The following CHCT1 variants were observed in gnomAD, a reference collection of about 807,000 sequenced individuals.
CHCT1 encodes CHD1 helical C-terminal domain containing protein 1.
At chr17:60,431,394 G>A in the CHCT1 span, 2 of 638,180 alleles carry the variant, frequency 3.1e-6, no homozygotes, top group Non-Finnish European at 5.5e-6. Flanking sequence ...AAATGAGGTG[G>A]GAAATAAACA....
chr17:60,425,973 G>T, the CHCT1 span: 4 of 1,312,086 alleles, frequency 3.0e-6, no homozygotes, highest in Non-Finnish European at 4.3e-6. Flanking sequence ...CAGACCCACA[G>T]CGCATTGCCC....
chr17:60,429,480 G>A, the CHCT1 span: 13 of 1,614,244 alleles, frequency 8.1e-6, no homozygotes, highest in East Asian at 1.8e-4. Flanking sequence ...ATGAAGGAGC[G>A]GCTGTCCAAC....
At chr17:60,422,457 G>A in the CHCT1 span, 1 of 1,519,384 alleles carries the variant, frequency 6.6e-7, no homozygotes, top group Middle Eastern at 2.4e-4. Context: ...TGTGTTGGCG[G>A]TTGCCGTGGC....
the CHCT1 span, among the ~76,000 whole-genome samples, chr17:60,430,898 GA>G: frequency 2.6e-5 from 4 of 152,328 alleles, no homozygotes; most frequent in East Asian, 7.7e-4. Flanking sequence ...AGAGGTCGAG[GA>G]AACTCGGGTC....
At chr17:60,422,359 C>CT in the CHCT1 span, 1 of 1,096,720 alleles carries the variant, frequency 9.1e-7, no homozygotes, top group East Asian at 3.3e-5. Flanking sequence ...CATCTTGCTC[C>CT]GTTCCCTAGT....
At chr17:60,423,788 C>A in the CHCT1 span, among the ~76,000 whole-genome samples, 1 of 152,202 alleles carries the variant, frequency 6.6e-6, no homozygotes, top group Non-Finnish European at 1.5e-5. Context: ...TTCTTTGCCC[C>A]ACTTTTGTGG....
At chr17:60,422,407 T>G in the CHCT1 span, 3 of 1,437,546 alleles carry the variant, frequency 2.1e-6, no homozygotes, top group Non-Finnish European at 2.8e-6. Flanking sequence ...CAGCCACCCC[T>G]AAGAATGAGG....
the CHCT1 span, among the ~76,000 whole-genome samples, chr17:60,423,539 C>T: frequency 6.6e-6 from 1 of 152,146 alleles, no homozygotes; most frequent in South Asian, 2.1e-4. Flanking sequence ...TCTCGGCTCA[C>T]TGCAACCTCC....
At chr17:60,430,122 C>CCTTTTTT in the CHCT1 span, among the ~76,000 whole-genome samples, 3 of 64,314 alleles carry the variant, frequency 4.7e-5, 1 homozygote, top group African/African-American at 1.1e-4. Context: ...ACGCACCTGG[C>CCTTTTTT]TTTTTTTTTT....
chr17:60,422,519 ACAGAAGCAGTGGGT>A, the CHCT1 span: 714 of 1,544,572 alleles, frequency 4.6e-4, 4 homozygotes, highest in Middle Eastern at 4.0e-3. Context: ...CGGCTAGGTC[ACAGAAGCAGTGGGT>A]CAGAAGCCAG....
chr17:60,426,710 C>G, the CHCT1 span: 2 of 1,608,184 alleles, frequency 1.2e-6, no homozygotes, highest in East Asian at 2.2e-5. Flanking sequence ...GGGTCTCCCC[C>G]TTTGCAGGAT....
At chr17:60,423,985 C>T in the CHCT1 span, among the ~76,000 whole-genome samples, 1 of 152,140 alleles carries the variant, frequency 6.6e-6, no homozygotes, top group Non-Finnish European at 1.5e-5. Flanking sequence ...TGGTGAGGGC[C>T]TCAGGAAGCT....
At chr17:60,426,217 G>A in the CHCT1 span, 2 of 1,551,840 alleles carry the variant, frequency 1.3e-6, no homozygotes, top group South Asian at 1.2e-5. Flanking sequence ...ACCTGCCCAG[G>A]GACCTTCCCC....
At chr17:60,431,063 TA>T in the CHCT1 span, 1 of 672,432 alleles carries the variant, frequency 1.5e-6, no homozygotes, top group Non-Finnish European at 2.5e-6. Flanking sequence ...AGGTGGGAAG[TA>T]AGATAGGATT....
the CHCT1 span, chr17:60,422,178 C>T: frequency 2.5e-5 from 7 of 280,988 alleles, no homozygotes; most frequent in South Asian, 2.6e-4. Context: ...CTCGGGGAGC[C>T]CCCACCACGG....
chr17:60,429,524 G>A, the CHCT1 span: 1 of 1,614,204 alleles, frequency 6.2e-7, no homozygotes, highest in Non-Finnish European at 8.5e-7. Context: ...CCCCCTGCCT[G>A]GGCAGCCAAG....
At chr17:60,426,729 G>A in the CHCT1 span, 36 of 1,610,654 alleles carry the variant, frequency 2.2e-5, no homozygotes, top group Middle Eastern at 1.6e-4. Flanking sequence ...ATGCTCTGGC[G>A]GTTCATCTCC....
At chr17:60,429,411 G>T in the CHCT1 span, 3 of 1,614,070 alleles carry the variant, frequency 1.9e-6, no homozygotes, top group African/African-American at 4.0e-5. Context: ...CTGGCCGACC[G>T]GGAAGACAGT....
At chr17:60,426,586 A>G in the CHCT1 span, 1 of 1,283,820 alleles carries the variant, frequency 7.8e-7, no homozygotes, top group South Asian at 1.4e-5. Context: ...CCACCCCTCC[A>G]TTCCCCCAAC....
Sources: gnomAD v4.1 joint callset for allele counts (sites outside exome capture counted in the v4.1 genomes callset) on GRCh38, gnomAD v4.1.1 for gene constraint, MANE v1.5 for transcripts, NCBI Gene and HGNC (gene_info 2026-07-23, HGNC 2026-07-21) for gene names.